Variants in SEL1L2 observed in about 807,000 individuals in gnomAD.
SEL1L2 encodes the protein SEL1L2 adaptor subunit of SYVN1 ubiquitin ligase.
SEL1L2 carries 89 observed loss-of-function variants against 98.8 expected under a neutral mutation model. The observed-to-expected ratio is 0.90, with a 90% CI of 0.76 to 1.07. The LOEUF (loss-of-function observed/expected upper bound fraction) is 1.07. Ranked by LOEUF, SEL1L2 falls within the 50% of genes least tolerant of loss-of-function variation. The probability of loss-of-function intolerance (pLI) is 0.00; values close to 1 mark genes in which losing one functional copy is unlikely to be tolerated. For synonymous variants in SEL1L2, 262 were observed against 278.5 expected, an observed-to-expected ratio of 0.94 and a Z score of 0.59; for missense variants, 788 against 812.0, an observed-to-expected ratio of 0.97 and a Z score of 0.36.
At chr20:13,984,831 A>C (rs977561965) in intron 1 of SEL1L2, among the ~76,000 whole-genome samples, 4 of 152,064 alleles carry the variant, frequency 2.6e-5, no homozygotes, top group Non-Finnish European at 4.4e-5. Flanking sequence ...AACATATAAT[A>C]ATTGTACATA....
At chr20:13,849,753 C>T (rs1600426168) in intron 19 of SEL1L2, 149 bp from the exon 20 acceptor site, 3 of 875,182 alleles carry the variant, frequency 3.4e-6, no homozygotes, top group Admixed American at 2.9e-5. Context: ...TCTTCGCTTG[C>T]TTACATCTTC....
intron 2 of SEL1L2, among the ~76,000 whole-genome samples, chr20:13,952,973 C>G (rs569568290): frequency 6.6e-6 from 1 of 152,104 alleles, no homozygotes; most frequent in African/African-American, 2.4e-5. Context: ...GCAGTGAAAG[C>G]CTTCTTTTTT....
intron 2 of SEL1L2, among the ~76,000 whole-genome samples, chr20:13,955,648 G>A (rs2050502544): frequency 6.6e-6 from 1 of 152,200 alleles, no homozygotes; most frequent in African/African-American, 2.4e-5. Flanking sequence ...TTGCTGGGTT[G>A]AGAATAAACT....
intron 1 of SEL1L2, among the ~76,000 whole-genome samples, chr20:13,962,305 C>A (rs2050816989): frequency 6.6e-6 from 1 of 152,214 alleles, no homozygotes; most frequent in Admixed American, 6.5e-5. Context: ...TTTTGACTTT[C>A]TTTGACCAAC....
intron 2 of SEL1L2, among the ~76,000 whole-genome samples, chr20:13,955,423 G>C (rs948738612): frequency 2.6e-5 from 4 of 151,986 alleles, no homozygotes; most frequent in African/African-American, 9.7e-5. Flanking sequence ...GAACACGAAA[G>C]GGGGGCACAT....
At chr20:13,923,927 T>C (rs1386668292) in intron 3 of SEL1L2, among the ~76,000 whole-genome samples, 1 of 152,190 alleles carries the variant, frequency 6.6e-6, no homozygotes, top group East Asian at 1.9e-4. Context: ...TCTTCAACAA[T>C]TGTGGATTTG....
rs958889283 is a variant in SEL1L2 at position 13,877,548 on chromosome 20, C to T, written c.998G>A (p.Ser333Asn). The T allele has an allele frequency of 1.2e-6, 2 of 1,613,268 alleles. No homozygotes were observed. Among genetic ancestry groups the T allele is most frequent in the Admixed American group, 3.3e-5 (2 of 60,020 alleles). The stretch of plus-strand genomic sequence containing the variant: ...TCCTATAAATGCCATGGCATTTGCA[C>T]TCCCGGCCTTTGCTGCCTTTAAGAA... ...HYFLKAAKAG[S>N]ANAMAFIGKM... Residue 333 changes from serine to asparagine, a missense_variant, in exon 11 of 20, where the codon AGT (serine) becomes AAT (asparagine). By Grantham distance (46) the Ser-to-Asn change is conservative (BLOSUM62 1). Transcript: ENST00000284951.
At chr20:13,968,228 T>G (rs1314229433) in intron 1 of SEL1L2, among the ~76,000 whole-genome samples, 1 of 152,236 alleles carries the variant, frequency 6.6e-6, no homozygotes, top group African/African-American at 2.4e-5. Flanking sequence ...TTAATTTTTA[T>G]GAAGTTTAAC....
At chr20:13,872,781 C>T (rs993658702) in intron 12 of SEL1L2, among the ~76,000 whole-genome samples, 3 of 148,668 alleles carry the variant, frequency 2.0e-5, no homozygotes, top group Non-Finnish European at 3.0e-5. Context: ...ACTTGTCAGG[C>T]GAAGAGTGGC....
chr20:13,877,394 T>G, intron 11 of SEL1L2, 126 bp downstream of exon 11: 1 of 662,798 alleles, frequency 1.5e-6, no homozygotes. Flanking sequence ...GCTGGTTGCC[T>G]GTGCTCAATG....
At position 13,945,002 on chromosome 20, in the gene SEL1L2, C is replaced by T. The variant is rs181020893; in HGVS notation, c.114+11074G>A. Among the ~76,000 whole-genome samples, 10 of 152,226 alleles carry T rather than the reference C, an allele frequency of 6.6e-5. No homozygotes were observed. The East Asian group carries it at 1.9e-3, about 29-fold the overall frequency. On this transcript the variant is annotated intron_variant, in intron 2 of 19. Coordinates refer to ENST00000284951, the MANE Select transcript of SEL1L2 (RefSeq NM_025229.2). The stretch of plus-strand genomic sequence containing the variant: ...ATGAAATTAAAATGAGACTGGTTGC[C>T]TGATTCTCTTTTCCCAGCCATGTTC...
At chr20:13,951,004 C>T (rs546142217) in intron 2 of SEL1L2, among the ~76,000 whole-genome samples, 13 of 152,160 alleles carry the variant, frequency 8.5e-5, no homozygotes, top group Middle Eastern at 3.4e-3. Context: ...AGGCCGGGCG[C>T]GGTGGCTCAC....
chr20:13,859,205 T>C, intron 18 of SEL1L2, 57 bp downstream of exon 18: 3 of 1,486,674 alleles, frequency 2.0e-6, no homozygotes, highest in Admixed American at 1.7e-5. Context: ...CATTTACACA[T>C]TCTGTCTTCT....
intron 17 of SEL1L2, among the ~76,000 whole-genome samples, chr20:13,860,996 C>T (rs562376330): frequency 1.8e-4 from 27 of 152,144 alleles, no homozygotes; most frequent in African/African-American, 4.8e-4. Flanking sequence ...CTTTTTCCCT[C>T]GCCTCCATCA....
intron 3 of SEL1L2, 43 bp downstream of exon 3, chr20:13,931,560 T>C (rs1196592120): frequency 1.7e-6 from 2 of 1,156,266 alleles, no homozygotes; most frequent in Non-Finnish European, 1.2e-6. Flanking sequence ...TTATATTGCA[T>C]GTAGTCATTT....
Position 13,865,406 on chromosome 20 carries a change from G to A in SEL1L2, c.1513C>T (p.Leu505Phe). 1 of 1,614,086 alleles carries A rather than the reference G, an allele frequency of 6.2e-7. No homozygotes were observed. The highest frequency in any genetic ancestry group is 2.2e-5 in the East Asian group (1 of 44,876). The change falls in exon 16 of 20, where the codon CTT becomes TTT. Residue 505 changes from leucine to phenylalanine, a missense_variant. Transcript: ENST00000284951. ...IDSSLVQYAL[L>F]AEMGYEVAQS... Reference sequence around the variant, plus strand: ...GCTACTTCATACCCCATTTCTGCAAGCAGTGCATACTGAACAAGAGAAGAA... The same window carrying A: ...GCTACTTCATACCCCATTTCTGCAAACAGTGCATACTGAACAAGAGAAGAA...
chr20:13,891,443 C>T (rs551770871), intron 5 of SEL1L2, among the ~76,000 whole-genome samples: 48 of 152,012 alleles, frequency 3.2e-4, no homozygotes, highest in African/African-American at 1.1e-3. Flanking sequence ...CCAAGGTGGG[C>T]GGACCACAAG....
chr20:13,966,428 C>G (rs1049305278), intron 1 of SEL1L2, among the ~76,000 whole-genome samples: 1 of 151,680 alleles, frequency 6.6e-6, no homozygotes, highest in African/African-American at 2.4e-5. Context: ...AAGCGATTCT[C>G]CTGCCTCAGC....
At chr20:13,879,169 C>T (rs2147929054) in intron 10 of SEL1L2, among the ~76,000 whole-genome samples, 1 of 152,128 alleles carries the variant, frequency 6.6e-6, no homozygotes, top group East Asian at 1.9e-4. Context: ...GTCACCAGTA[C>T]AGAGGCTAGG....
Sources: gnomAD v4.1 joint callset for allele counts (sites outside exome capture counted in the v4.1 genomes callset) on GRCh38, gnomAD v4.1.1 for gene constraint, MANE v1.5 for transcripts, NCBI Gene and HGNC (gene_info 2026-07-23, HGNC 2026-07-21) for gene names.